The following KCNT1 variants were observed in gnomAD, a reference collection of about 807,000 sequenced individuals.
KCNT1 encodes potassium sodium-activated channel subfamily T member 1, also known as potassium channel subfamily T member 1.
In KCNT1, 78 loss-of-function variants were observed where a neutral mutation model predicts 147.8. The ratio of observed to expected loss-of-function variants is 0.53; its 90% CI spans 0.44 to 0.64. KCNT1 has a LOEUF of 0.64. KCNT1 is among the 30% of genes least tolerant of loss of function. KCNT1 has a pLI of 0.00. For missense variants in KCNT1, 1,419 were observed against 1,750.3 expected (o/e 0.81, Z 3.38); for synonymous variants, 867 against 748.8 (o/e 1.16, Z -2.58).
chr9:135,728,783 G>T (rs550608222), intron 2 of KCNT1, among the ~76,000 whole-genome samples: 1 of 152,346 alleles, frequency 6.6e-6, no homozygotes, highest in African/African-American at 2.4e-5. Context: ...GGAGTGTTTT[G>T]CCGGGTCTGG....
At position 135,765,750 on chromosome 9, in the gene KCNT1, A is replaced by T. The variant is rs201908490; in HGVS notation, c.1327A>T (p.Met443Leu). ...CTCTGCACTCAAAGACCAGGACCTC[A>T]TGCGAGCCAAGTGAGTGCTGGTGGG... ...QGSALKDQDL[M>L]RAKMDNGEAC... The change falls in exon 13 of 31, where the codon ATG (methionine) becomes TTG (leucine). Residue 443 changes from methionine (M) to leucine (L), a missense_variant. Around this residue, in one of 5 missense-constraint regions of KCNT1, gnomAD observed 401 missense variants for 610.6 expected, o/e 0.66. Transcript: ENST00000371757. 8.3e-5 allele frequency: 127 copies of T among 1,525,764 alleles called. No homozygotes were observed. The highest frequency in any genetic ancestry group is 3.6e-5 in the Non-Finnish European group (40 of 1,119,194). The allele number at this position is 1,525,764 out of a possible 1,614,324, so 94.5% of individuals were successfully genotyped here.
At chr9:135,707,407 C>T (rs1835300156) in intron 1 of KCNT1, among the ~76,000 whole-genome samples, 2 of 152,160 alleles carry the variant, frequency 1.3e-5, no homozygotes, top group Non-Finnish European at 2.9e-5. Flanking sequence ...CTATGATCAC[C>T]ATTGCCCCCA....
At chr9:135,774,849 C>T (rs1459191340) in intron 19 of KCNT1, among the ~76,000 whole-genome samples, 1 of 151,830 alleles carries the variant, frequency 6.6e-6, no homozygotes, top group Non-Finnish European at 1.5e-5. Context: ...CCACCGCCAC[C>T]CCCTTCCACA....
chr9:135,772,088 C>G (rs1015209333), intron 18 of KCNT1, among the ~76,000 whole-genome samples: 1 of 152,234 alleles, frequency 6.6e-6, no homozygotes, highest in African/African-American at 2.4e-5. Flanking sequence ...CGGCAGCTCA[C>G]TCGGGGGGCC....
intron 2 of KCNT1, among the ~76,000 whole-genome samples, chr9:135,733,180 C>T (rs1830179653): frequency 6.7e-6 from 1 of 149,814 alleles, no homozygotes; most frequent in Non-Finnish European, 1.5e-5. Flanking sequence ...AGCCCTCATA[C>T]CTGCCCCCGC....
chr9:135,718,940 G>A (rs534205612), intron 2 of KCNT1, among the ~76,000 whole-genome samples: 22 of 152,312 alleles, frequency 1.4e-4, no homozygotes, highest in Non-Finnish European at 2.4e-4. Flanking sequence ...CATCGGTACC[G>A]CCCGGTGGAG....
intron 24 of KCNT1, among the ~76,000 whole-genome samples, chr9:135,779,777 C>T (rs148510154): frequency 2.4e-4 from 36 of 152,378 alleles, no homozygotes; most frequent in African/African-American, 7.5e-4. Context: ...GCCATCTGTC[C>T]TGGCATGGTC....
At chr9:135,784,735 G>GCCAACTCAGGGTTCCCAC in intron 26 of KCNT1, 26 bp from the exon 27 acceptor site, 1 of 1,610,646 alleles carries the variant, frequency 6.2e-7, no homozygotes, top group Non-Finnish European at 8.5e-7. Context: ...ACCTGCCCCA[G>GCCAACTCAGGGTTCCCAC]CCAACTCAGG....
At chr9:135,770,146 T>TCCCAGAGGAGGGGCAC (rs1554774768) in intron 16 of KCNT1, 91 bp downstream of exon 16, 60 of 1,394,908 alleles carry the variant, frequency 4.3e-5, no homozygotes, top group Non-Finnish European at 5.5e-5. Flanking sequence ...GGGATGGGCT[T>TCCCAGAGGAGGGGCAC]CCCAGAGGAG....
chr9:135,766,079 CATCTAGGATGGACT>C (rs1832256683), intron 13 of KCNT1, among the ~76,000 whole-genome samples: 1 of 138,670 alleles, frequency 7.2e-6, no homozygotes, highest in Admixed American at 7.4e-5. Context: ...TGGGGTGGAC[CATCTAGGATGGACT>C]GTCTGGGGTG....
rs2131477505 is a variant in KCNT1, at chr9:135,765,659, G to A, written c.1236G>A (p.Met412Ile). ...TGGTCATCCTGTGCCCCACGGAGAT[G>A]GATGTCCAGGTGCGCAGAGTCCTGC... The part of the protein sequence containing the change: ...YYVVILCPTE[M>I]DVQVRRVLQI... The change falls in exon 13 of 31, where the codon ATG (methionine) becomes ATA (isoleucine). Residue 412 changes from methionine (M) to isoleucine (I), a missense_variant. By Grantham distance (10) the Met-to-Ile change is conservative. This residue lies in a region of KCNT1 where 401 missense variants were observed against 610.6 expected (regional missense o/e 0.66). Transcript: ENST00000371757. 2 of 1,611,006 alleles carry A rather than the reference G, an allele frequency of 1.2e-6. No individual in the cohort carries two copies. The highest frequency in any genetic ancestry group is 1.7e-6 in the Non-Finnish European group (2 of 1,179,096).
Position 135,730,197 on chromosome 9 carries a change from T to C in KCNT1, c.254+15477T>C, listed in dbSNP as rs1836373428. 6.6e-6 allele frequency among the ~76,000 whole-genome samples: 1 copy of C among 152,170 alleles called. No individual in the cohort carries two copies. ...TAAGGCAGTGTTGAATTGCAGCCTC[T>C]AGTGGCGACAACAAGGAAAGGGGTT... On this transcript the variant is annotated intron_variant, in intron 2 of 30. Transcript: ENST00000371757. This position sits in a 1 kb window ranked among gnomAD's most constrained non-coding sequence, Gnocchi z 4.7.
rs1262745042 is a variant in KCNT1, at chr9:135,714,988, G to T, written c.254+268G>T. On this transcript the variant is annotated intron_variant, in intron 2 of 30. Transcript: ENST00000371757. This position sits in a 1 kb window ranked among gnomAD's most constrained non-coding sequence, Gnocchi z 6.2. ...CCCGACTTGGGGCGCGGAGGCGGAG[G>T]GCGGCCTGGCCTTCCGGTGTCTGCT... 1.3e-5 allele frequency among the ~76,000 whole-genome samples: 2 copies of T among 152,218 alleles called. No homozygotes were observed. The highest frequency in any genetic ancestry group is 4.8e-5 in the African/African-American group (2 of 41,460).
At chr9:135,720,315 G>A (rs1333462232) in intron 2 of KCNT1, among the ~76,000 whole-genome samples, 3 of 151,988 alleles carry the variant, frequency 2.0e-5, no homozygotes, top group Admixed American at 2.0e-4. Flanking sequence ...GTTGCGGTGG[G>A]GATGTCTCTA....
Position 135,747,094 on chromosome 9 carries a change from G to T in KCNT1, c.255-3004G>T, listed in dbSNP as rs563329175. 2.0e-5 allele frequency among the ~76,000 whole-genome samples: 3 copies of T among 152,232 alleles called. No individual in the cohort carries two copies. The South Asian group carries it at 6.2e-4, about 32-fold the overall frequency. On this transcript the variant is annotated intron_variant, in intron 2 of 30. Transcript: ENST00000371757. ...GCGTGGCACTTAATTCCCGGGCTGGGTGGGAGAGAGGCACCTGTGGCAAGC... is the reference window on the plus strand; with the variant it reads ...GCGTGGCACTTAATTCCCGGGCTGGTTGGGAGAGAGGCACCTGTGGCAAGC...
At chr9:135,780,548 G>A (rs1438333029) in intron 24 of KCNT1, among the ~76,000 whole-genome samples, 1 of 152,222 alleles carries the variant, frequency 6.6e-6, no homozygotes, top group Non-Finnish European at 1.5e-5. Context: ...AGCGAGAGGA[G>A]GCCGGGCTGG....
At chr9:135,780,818 G>A (rs980901845) in intron 24 of KCNT1, among the ~76,000 whole-genome samples, 3 of 152,222 alleles carry the variant, frequency 2.0e-5, no homozygotes, top group African/African-American at 4.8e-5. Context: ...GTGCCGGGCC[G>A]CTCCCCAGGG....
chr9:135,702,247 C>G lies in KCNT1; in HGVS notation c.-12C>G. The G allele has an allele frequency of 2.5e-6, 4 of 1,600,242 alleles. No individual in the cohort carries two copies. The highest frequency in any genetic ancestry group is 3.4e-6 in the Non-Finnish European group (4 of 1,170,252). ...GCTTCTCCCTCGGGTCGGGTCCGAG[C>G]TGCCAGGCCGCATGCCACTCCCTGA... On this transcript the variant is annotated 5_prime_UTR_variant, in exon 1 of 31. Transcript: ENST00000371757.
intron 12 of KCNT1, 53 bp downstream of exon 12, chr9:135,765,248 C>T (rs908886880): frequency 5.7e-5 from 87 of 1,534,128 alleles, no homozygotes; most frequent in East Asian, 4.5e-4. Context: ...CCCCTAGAGA[C>T]GCCATCCTCT....
Sources: gnomAD v4.1 joint callset for allele counts (sites outside exome capture counted in the v4.1 genomes callset) on GRCh38, gnomAD v4.1.1 for gene constraint, gnomAD v4.1.1 regional missense constraint, Gnocchi (gnomAD v3.1) non-coding constraint, MANE v1.5 for transcripts, NCBI Gene and HGNC (gene_info 2026-07-23, HGNC 2026-07-21) for gene names.